ADGRG3: variants seen among roughly 807,000 people sequenced by gnomAD.
ADGRG3 encodes the protein G protein-coupled receptor 97.
In ADGRG3, 39 loss-of-function variants were observed where a neutral mutation model predicts 54.3. The observed-to-expected ratio is 0.72, with a 90% confidence interval of 0.56 to 0.94. The LOEUF (loss-of-function observed/expected upper bound fraction) is 0.94. ADGRG3 is among the 40% of genes least tolerant of loss of function. The pLI is 0.00. For missense variants in ADGRG3, 654 were observed against 694.6 expected, an observed-to-expected ratio of 0.94 and a Z score of 0.66; for synonymous variants, 312 against 290.0, an observed-to-expected ratio of 1.08 and a Z score of -0.77.
At chr16:57,673,784 G>C (rs2048206654) in intron 2 of ADGRG3, among the ~76,000 whole-genome samples, 1 of 152,200 alleles carries the variant, frequency 6.6e-6, no homozygotes, top group South Asian at 2.1e-4. Flanking sequence ...GGTTAGCCCA[G>C]AGGAGGGAAG....
At chr16:57,678,128 G>C (rs547073143) in intron 3 of ADGRG3, 42 bp from the exon 4 acceptor site, 38 of 1,602,850 alleles carry the variant, frequency 2.4e-5, no homozygotes, top group Non-Finnish European at 3.0e-5. Context: ...ACTCGTGTTG[G>C]GGGGTGGGTA....
At position 57,679,284 on chromosome 16, in the gene ADGRG3, C is replaced by T. The variant is rs775870690; in HGVS notation, c.600C>T (p.Ile200=). 24 of 1,613,860 alleles carry T rather than the reference C, an allele frequency of 1.5e-5. No individual in the cohort carries two copies. In the South Asian group the frequency reaches 1.8e-4, roughly 12 times the overall value. ...CCAAGCTGGCTGAGCCTCTGGAGAT[C>T]GTCTTCTCTCACCAGCGACCGCCCC... is the stretch of plus-strand genomic sequence containing the variant. The part of the protein sequence containing the change: ...HVTKLAEPLE[I]VFSHQRPPPN... The change falls in exon 5 of 12, where the codon ATC becomes ATT. Residue 200 remains isoleucine (I), a synonymous_variant. Transcript: ENST00000333493.
chr16:57,688,413 C>A lies in ADGRG3; in HGVS notation c.1602C>A (p.Ser534=), dbSNP rs2048516329. The change falls in exon 12 of 12, where the codon TCC becomes TCA. Residue 534 remains serine (S), a synonymous_variant. Coordinates refer to ENST00000333493, the MANE Select transcript of ADGRG3 (RefSeq NM_170776.5). ...LYLPSQSTTV[S]SSTARLDQAH... Reference sequence around the variant, plus strand: ...TCCCAAGTCAGAGCACCACAGTCTCCTCCTCTACTGCAAGATTGGACCAGG... The same window carrying A: ...TCCCAAGTCAGAGCACCACAGTCTCATCCTCTACTGCAAGATTGGACCAGG... The A allele has an allele frequency of 6.2e-7, 1 of 1,613,692 alleles. No individual in the cohort carries two copies.
rs745613952 is a variant in ADGRG3 at position 57,678,289 on chromosome 16, G to A, written c.465G>A (p.Leu155=). 8.7e-6 allele frequency: 14 copies of A among 1,614,090 alleles called. No individual in the cohort carries two copies. Among genetic ancestry groups the A allele is most frequent in the Admixed American group, 1.7e-5 (1 of 60,006 alleles). Residue 155 remains leucine (L), a synonymous_variant, in exon 4 of 12, where the codon CTG becomes CTA. Coordinates refer to ENST00000333493, the MANE Select transcript of ADGRG3 (RefSeq NM_170776.5). ...TGGTCCGCTTGGCCGTCACCATTCT[G>A]GACATTGGTCCAGGGACTCTCTTCA... is the stretch of plus-strand genomic sequence containing the variant. The part of the protein sequence containing the change: ...RSVVRLAVTI[L]DIGPGTLFKG...
chr16:57,668,279 C>T (rs2048087032), upstream of ADGRG3: 1 of 1,361,692 alleles, frequency 7.3e-7, no homozygotes, highest in African/African-American at 1.4e-5. Flanking sequence ...GGCAGGCCAG[C>T]TCAGCAGAGC....
At chr16:57,668,777 C>A (rs1567849355) in intron 1 of ADGRG3, among the ~76,000 whole-genome samples, 1 of 152,266 alleles carries the variant, frequency 6.6e-6, no homozygotes, top group East Asian at 1.9e-4. Context: ...CTTGTGAGAT[C>A]CTGGGGACGG....
chr16:57,666,196 G>T (rs542527267), upstream of ADGRG3, among the ~76,000 whole-genome samples: 2 of 152,274 alleles, frequency 1.3e-5, no homozygotes, highest in South Asian at 2.1e-4. Context: ...TGGGATGGGG[G>T]TTGAGGCAAC....
rs1022921592 is a variant in ADGRG3 at position 57,687,554 on chromosome 16, C to A, written c.1541-798C>A. 4.6e-5 allele frequency among the ~76,000 whole-genome samples: 7 copies of A among 152,274 alleles called. No individual in the cohort carries two copies. The East Asian group carries it at 1.4e-3, about 29-fold the overall frequency. ...GGCGTGAGCCACTGTGCCTGGCCTG[C>A]CAGATTTCACAATGAACAATGACAA... On this transcript the variant is annotated intron_variant, in intron 11 of 11. Coordinates refer to ENST00000333493, the MANE Select transcript of ADGRG3 (RefSeq NM_170776.5).
In ADGRG3 at chr16:57,685,787, G is replaced by C. The variant is rs1341507391; in HGVS notation, c.1401G>C (p.Lys467Asn). ...IFTLSRATAV[K>N]ERGKNRKKVL... ...CCCTGTCCCGTGCTACAGCGGTCAAGGAGCGGGGGAAGAACCGGAAGAAGG... is the reference window on the plus strand; with the variant it reads ...CCCTGTCCCGTGCTACAGCGGTCAACGAGCGGGGGAAGAACCGGAAGAAGG... The change falls in exon 11 of 12, where the codon AAG (lysine) becomes AAC (asparagine). Residue 467 changes from lysine to asparagine, a missense_variant. Transcript: ENST00000333493. 2.0e-5 allele frequency: 33 copies of C among 1,614,110 alleles called. No individual in the cohort carries two copies. Among genetic ancestry groups the C allele is most frequent in the Non-Finnish European group, 2.8e-5 (33 of 1,180,048 alleles).
rs1257428035 is a variant in ADGRG3, at chr16:57,668,309, C to G, written c.-39C>G. On this transcript the variant is annotated 5_prime_UTR_variant, in exon 1 of 12. Transcript: ENST00000333493. ...CAGAGCCTGGGGCCAGAGGGCCAGA[C>G]AGCCACAGAGCTCCTGGCGTGGGCA... 1 of 1,533,222 alleles carries G rather than the reference C, an allele frequency of 6.5e-7. No homozygotes were observed. The highest frequency in any genetic ancestry group is 1.4e-5 in the African/African-American group (1 of 73,614). 95.0% of individuals were successfully genotyped at this position (1,533,222 alleles called of 1,614,324 possible).
intron 7 of ADGRG3, 54 bp downstream of exon 7, chr16:57,680,419 C>T: frequency 1.3e-6 from 2 of 1,563,718 alleles, no homozygotes; most frequent in Non-Finnish European, 1.8e-6. Flanking sequence ...CCAGCTCCTG[C>T]CCTGGGGAGG....
In ADGRG3 at chr16:57,681,586, CGTG is replaced by C. The variant is rs533885954; in HGVS notation, c.881+976_881+978del. Among the ~76,000 whole-genome samples, 331 of 151,982 alleles carry C rather than the reference CGTG, an allele frequency of 2.2e-3. 1 individual carries two copies. The highest frequency in any genetic ancestry group is 2.8e-3 in the Non-Finnish European group (189 of 67,962). On this transcript the variant is annotated intron_variant, in intron 8 of 11. Transcript: ENST00000333493. ...AAATACAAAACAAAAGTTAGCTGGG[CGTG>C]GTGGTGCGCGCCTGTAATCCCAGCT...
rs1368335378 is a variant in ADGRG3, at chr16:57,679,416, C to T, written c.627+105C>T. On this transcript the variant is annotated intron_variant, in intron 5 of 11. Transcript: ENST00000333493. ...GGGACACTACATATCTGTCCCCTAC[C>T]CTTCCACAGTCGCCCAGGAGGAGCC... 4 of 1,273,282 alleles carry T rather than the reference C, an allele frequency of 3.1e-6. No individual in the cohort carries two copies. In the African/African-American group the frequency reaches 6.0e-5, roughly 19 times the overall value. The allele number at this position is 1,273,282 out of a possible 1,614,324, so 78.9% of individuals were successfully genotyped here.
chr16:57,681,900 C>T (rs192904966), intron 8 of ADGRG3, among the ~76,000 whole-genome samples: 2 of 152,260 alleles, frequency 1.3e-5, no homozygotes, highest in African/African-American at 4.8e-5. Flanking sequence ...CATGTGTGTG[C>T]ATGTCTGTGT....
At chr16:57,677,478 A>G (rs1025219781) in intron 3 of ADGRG3, among the ~76,000 whole-genome samples, 4 of 152,166 alleles carry the variant, frequency 2.6e-5, no homozygotes, top group Non-Finnish European at 4.4e-5. Context: ...GCTACTTGGG[A>G]GGCTGAGGCA....
chr16:57,682,818 A>G (rs974673975), intron 8 of ADGRG3, among the ~76,000 whole-genome samples: 1 of 150,288 alleles, frequency 6.7e-6, no homozygotes. Flanking sequence ...CTGTGACCCC[A>G]TAAGGCTCCC....
rs2048460907 is a variant in ADGRG3, at chr16:57,685,711, C to T, written c.1325C>T (p.Thr442Ile). 1.9e-6 allele frequency: 3 copies of T among 1,614,100 alleles called. No individual in the cohort carries two copies. The highest frequency in any genetic ancestry group is 2.5e-6 in the Non-Finnish European group (3 of 1,180,044). Reference protein sequence around the residue: ...YITVHGYFLITFLFGMVVLAL... With the variant: ...YITVHGYFLIIFLFGMVVLAL... ...ACCGTCCACGGCTACTTCCTCATCACCTTCCTCTTTGGCATGGTGGTCCTG... is the reference window on the plus strand; with the variant it reads ...ACCGTCCACGGCTACTTCCTCATCATCTTCCTCTTTGGCATGGTGGTCCTG... The change falls in exon 11 of 12, where the codon ACC becomes ATC. Residue 442 changes from threonine to isoleucine, a missense_variant. Coordinates refer to ENST00000333493, the MANE Select transcript of ADGRG3 (RefSeq NM_170776.5).
intron 1 of ADGRG3, among the ~76,000 whole-genome samples, chr16:57,670,253 C>T (rs944806761): frequency 6.6e-6 from 1 of 152,196 alleles, no homozygotes; most frequent in East Asian, 1.9e-4. Flanking sequence ...AGGCCTAGCA[C>T]AGGGTCTCCT....
At chr16:57,680,675 G>A (rs918588974) in intron 8 of ADGRG3, 58 bp downstream of exon 8, 6 of 1,206,854 alleles carry the variant, frequency 5.0e-6, no homozygotes, top group South Asian at 3.7e-5. Context: ...GAGGCAGCAG[G>A]GCAGGGTGGG....
Sources: gnomAD v4.1 joint callset for allele counts (sites outside exome capture counted in the v4.1 genomes callset) on GRCh38, gnomAD v4.1.1 for gene constraint, MANE v1.5 for transcripts, NCBI Gene and HGNC (gene_info 2026-07-23, HGNC 2026-07-21) for gene names.